The following SLC6A6 variants were observed in gnomAD, a reference collection of about 807,000 sequenced individuals.
The protein encoded by SLC6A6 is sodium- and chloride-dependent taurine transporter.
A neutral mutation model predicts 68.8 loss-of-function variants in SLC6A6; 16 were observed. The observed-to-expected ratio is 0.23, with a 90% CI of 0.16 to 0.35. The LOEUF is 0.35. SLC6A6 is among the 10% of genes least tolerant of loss of function. The pLI is 1.00. For synonymous variants in SLC6A6, 312 were observed against 315.4 expected (o/e 0.99, Z 0.12); for missense variants, 474 against 802.8 (o/e 0.59, Z 4.95).
At chr3:14,438,008 T>C (rs1353269411) in intron 2 of SLC6A6, among the ~76,000 whole-genome samples, 2 of 148,000 alleles carry the variant, frequency 1.4e-5, no homozygotes, top group East Asian at 4.0e-4. Flanking sequence ...TTTTTTTTTT[T>C]TTTTTTTTGT....
intron 1 of SLC6A6, among the ~76,000 whole-genome samples, chr3:14,414,589 G>A (rs994069217): frequency 4.0e-5 from 6 of 151,896 alleles, no homozygotes; most frequent in African/African-American, 1.2e-4. Flanking sequence ...GCAGTGGTAC[G>A]ATCACTGCTC....
Position 14,479,088 on chromosome 3 carries a change from G to A in SLC6A6, c.1454G>A (p.Gly485Asp), listed in dbSNP as rs1700948706. ...ECFVIAWIYG[G>D]DNLYDGIEDM... ...TGTCCCCCTCTGTCTCTTGCAGGAG[G>A]TGATAACCTTTATGATGGTATTGAG... The change falls in exon 13 of 15, where the codon GGT (glycine) becomes GAT (aspartate). Residue 485 changes from glycine (G) to aspartate (D), a missense_variant. By Grantham distance (94) the Gly-to-Asp change is moderately conservative (BLOSUM62 -1). Coordinates refer to ENST00000622186, the MANE Select transcript of SLC6A6 (RefSeq NM_003043.6). 1 of 1,607,052 alleles carries A rather than the reference G, an allele frequency of 6.2e-7. No individual in the cohort carries two copies. Among genetic ancestry groups the A allele is most frequent in the Non-Finnish European group, 8.5e-7 (1 of 1,173,710 alleles).
chr3:14,446,122 C>T (rs1487836892), intron 4 of SLC6A6, among the ~76,000 whole-genome samples: 1 of 152,184 alleles, frequency 6.6e-6, no homozygotes, highest in Non-Finnish European at 1.5e-5. Flanking sequence ...ATAGAGAAGC[C>T]TGCAGCTGCA....
At chr3:14,482,093 T>C (rs1701022719) in intron 14 of SLC6A6, among the ~76,000 whole-genome samples, 2 of 152,082 alleles carry the variant, frequency 1.3e-5, no homozygotes, top group African/African-American at 4.8e-5. Flanking sequence ...ACTTGCCAGA[T>C]GGAGAATGTG....
chr3:14,456,347 G>A (rs996491029), intron 5 of SLC6A6, among the ~76,000 whole-genome samples: 3 of 152,234 alleles, frequency 2.0e-5, no homozygotes, highest in Non-Finnish European at 2.9e-5. Context: ...GTATTTCACG[G>A]ATCGGTCCTA....
intron 2 of SLC6A6, among the ~76,000 whole-genome samples, chr3:14,441,488 AAGGGCTCCATGAGCTGCCCAG>A (rs1252774068): frequency 3.3e-5 from 5 of 152,122 alleles, no homozygotes; most frequent in Non-Finnish European, 5.9e-5. Flanking sequence ...CAGACAGAGG[AAGGGCTCCATGAGCTGCCCAG>A]AGGCTTCAGG....
At chr3:14,431,087 C>T (rs74917257) in intron 2 of SLC6A6, among the ~76,000 whole-genome samples, 8 of 151,956 alleles carry the variant, frequency 5.3e-5, no homozygotes, top group Non-Finnish European at 4.4e-5. Flanking sequence ...CAGGAATGGA[C>T]ATCGTTTAAT....
intron 2 of SLC6A6, among the ~76,000 whole-genome samples, chr3:14,436,294 G>A (rs534150605): frequency 1.3e-5 from 2 of 152,154 alleles, no homozygotes; most frequent in Non-Finnish European, 2.9e-5. Flanking sequence ...TCCAACTCCC[G>A]GGTGCAAGTG....
Position 14,467,971 on chromosome 3 carries a change from G to A in SLC6A6, c.971+15G>A, listed in dbSNP as rs775911498. Reference sequence around the variant, plus strand: ...AACTCGTACAGGCAAGTGTTGCGCCGGCGGGCCTGGTGGACTTTAGAAATG... The same window carrying A: ...AACTCGTACAGGCAAGTGTTGCGCCAGCGGGCCTGGTGGACTTTAGAAATG... On this transcript the variant is annotated intron_variant, in intron 8 of 14. Coordinates refer to ENST00000622186, the MANE Select transcript of SLC6A6 (RefSeq NM_003043.6). 8.1e-6 allele frequency: 13 copies of A among 1,609,516 alleles called. No individual in the cohort carries two copies. Among genetic ancestry groups the A allele is most frequent in the Middle Eastern group, 1.6e-4 (1 of 6,072 alleles).
intron 5 of SLC6A6, 146 bp from the exon 6 acceptor site, chr3:14,457,804 T>C: frequency 1.5e-6 from 1 of 685,428 alleles, no homozygotes. Context: ...AAATGGGGAT[T>C]CCTGGGTTTG....
At chr3:14,484,780 C>T in intron 14 of SLC6A6, 87 bp from the exon 15 acceptor site, 3 of 1,400,294 alleles carry the variant, frequency 2.1e-6, no homozygotes, top group Non-Finnish European at 3.0e-6. Flanking sequence ...AGCACATGAG[C>T]CAATTCAGGA....
At chr3:14,436,531 C>CT (rs58996264) in intron 2 of SLC6A6, among the ~76,000 whole-genome samples, 10 of 112,576 alleles carry the variant, frequency 8.9e-5, no homozygotes, top group African/African-American at 1.3e-4. Flanking sequence ...CAACAACTCC[C>CT]TTTTTTTTTT....
rs765906100 is a variant in SLC6A6 at position 14,457,965 on chromosome 3, C to G, written c.615C>G (p.Ser205Arg). Residue 205 changes from serine to arginine, a missense_variant, in exon 6 of 15, where the codon AGC (serine) becomes AGG (arginine). Ser to Arg is a moderately radical substitution (Grantham distance 110). Transcript: ENST00000622186. ...VIEFWERNVL[S>R]LSPGIDHPGS... Reference sequence around the variant, plus strand: ...TTGCTTCAAGGCGCAACGTGCTGAGCTTGTCCCCTGGAATCGACCACCCAG... The same window carrying G: ...TTGCTTCAAGGCGCAACGTGCTGAGGTTGTCCCCTGGAATCGACCACCCAG... 6.2e-7 allele frequency: 1 copy of G among 1,614,198 alleles called. No individual in the cohort carries two copies. The highest frequency in any genetic ancestry group is 8.5e-7 in the Non-Finnish European group (1 of 1,180,000).
chr3:14,474,883 G>T (rs1319967857), intron 10 of SLC6A6, among the ~76,000 whole-genome samples: 2 of 152,252 alleles, frequency 1.3e-5, no homozygotes. Flanking sequence ...GTGTCACCCT[G>T]ACTCATCAGG....
chr3:14,446,313 CAG>C (rs1232421331), intron 4 of SLC6A6, among the ~76,000 whole-genome samples: 1 of 152,148 alleles, frequency 6.6e-6, no homozygotes, highest in Non-Finnish European at 1.5e-5. Flanking sequence ...GATGCAGAAA[CAG>C]AAAAACAAAT....
intron 1 of SLC6A6, among the ~76,000 whole-genome samples, chr3:14,406,969 G>T (rs1411596969): frequency 6.6e-6 from 1 of 152,142 alleles, no homozygotes; most frequent in African/African-American, 2.4e-5. Flanking sequence ...AACATATTCA[G>T]ACTCCCAGGC....
chr3:14,470,929 G>A (rs1490794567), intron 9 of SLC6A6, among the ~76,000 whole-genome samples: 2 of 152,180 alleles, frequency 1.3e-5, no homozygotes, highest in African/African-American at 4.8e-5. Flanking sequence ...ATATATTTTG[G>A]TCAGGTTTTC....
intron 2 of SLC6A6, among the ~76,000 whole-genome samples, chr3:14,425,329 G>A (rs764448631): frequency 2.0e-5 from 3 of 152,114 alleles, no homozygotes; most frequent in Non-Finnish European, 4.4e-5. Context: ...GTGGAACTAG[G>A]CAAACCTTAT....
At chr3:14,422,688 G>A (rs952468694) in intron 2 of SLC6A6, among the ~76,000 whole-genome samples, 1 of 152,086 alleles carries the variant, frequency 6.6e-6, no homozygotes, top group African/African-American at 2.4e-5. Context: ...CTGCTCTTCA[G>A]CCTTTCAATT....
Sources: allele counts gnomAD v4.1 joint callset (sites outside exome capture counted in the v4.1 genomes callset), GRCh38; gene constraint gnomAD v4.1.1; transcripts MANE v1.5; gene names NCBI Gene and HGNC (gene_info 2026-07-23, HGNC 2026-07-21).